The following GTF3C3 variants were observed in gnomAD, a reference collection of about 807,000 sequenced individuals.
The protein encoded by GTF3C3 is general transcription factor 3C polypeptide 3.
Under a neutral mutation model 105.2 loss-of-function variants are expected in GTF3C3, and 75 were observed. That is an observed-to-expected ratio of 0.71 (90% CI 0.59 to 0.86). The LOEUF (loss-of-function observed/expected upper bound fraction) is 0.86. Ranked by LOEUF, GTF3C3 falls within the 40% of genes least tolerant of loss-of-function variation. GTF3C3 has a pLI of 0.00. For synonymous variants in GTF3C3, 335 were observed against 370.4 expected (o/e 0.90, Z 1.10); for missense variants, 856 against 1,076.5 (o/e 0.80, Z 2.87).
At chr2:196,765,867 G>A (rs1474474383) in intron 17 of GTF3C3, among the ~76,000 whole-genome samples, 1 of 151,666 alleles carries the variant, frequency 6.6e-6, no homozygotes. Context: ...AAAATTAGCT[G>A]GGCGTGGTGG....
intron 14 of GTF3C3, among the ~76,000 whole-genome samples, chr2:196,772,187 A>G (rs1163824312): frequency 6.6e-6 from 1 of 152,254 alleles, no homozygotes; most frequent in African/African-American, 2.4e-5. Flanking sequence ...AAACTAAAAC[A>G]GGAGCAAGTG....
In GTF3C3 at chr2:196,793,027, C is replaced by T; in HGVS notation, c.340G>A (p.Glu114Lys). The change falls in exon 3 of 18, where the codon GAG (glutamate) becomes AAG (lysine). Residue 114 changes from glutamate (E) to lysine (K), a missense_variant. Transcript: ENST00000263956. ...EEEEEEEETPEQPTAGDVFVL... is the reference protein window; with the variant it reads ...EEEEEEEETPKQPTAGDVFVL... ...AATACATCGCCCGCAGTGGGTTGCT[C>T]AGGTGTTTCTTCCTCCTCCTCCTCC... 2 of 1,613,880 alleles carry T rather than the reference C, an allele frequency of 1.2e-6. No homozygotes were observed. The highest frequency in any genetic ancestry group is 1.7e-6 in the Non-Finnish European group (2 of 1,179,886).
At chr2:196,775,501 A>G (rs952870481) in intron 12 of GTF3C3, among the ~76,000 whole-genome samples, 5 of 152,176 alleles carry the variant, frequency 3.3e-5, no homozygotes, top group Admixed American at 6.5e-5. Context: ...AAAAAAGGAA[A>G]CCAAATTACT....
chr2:196,769,225 T>C (rs58662356), intron 16 of GTF3C3, among the ~76,000 whole-genome samples: 8,122 of 152,206 alleles, frequency 0.053, 512 homozygotes, highest in African/African-American at 0.16. Context: ...CATTTTACTT[T>C]AAAAGAAACA....
At chr2:196,765,376 C>CAATATTTATGAAATAACA (rs1699043017) in intron 17 of GTF3C3, among the ~76,000 whole-genome samples, 1 of 151,904 alleles carries the variant, frequency 6.6e-6, no homozygotes, top group Non-Finnish European at 1.5e-5. Flanking sequence ...CAAGATGTAA[C>CAATATTTATGAAATAACA]AATATTTATG....
intron 2 of GTF3C3, among the ~76,000 whole-genome samples, chr2:196,797,562 G>A (rs1218018035): frequency 6.6e-6 from 1 of 152,180 alleles, no homozygotes; most frequent in Admixed American, 6.5e-5. Flanking sequence ...AACAAATACT[G>A]ATGTCAATTT....
At chr2:196,780,345 T>TA in intron 9 of GTF3C3, 3 of 1,185,372 alleles carry the variant, frequency 2.5e-6, no homozygotes, top group Non-Finnish European at 3.2e-6. Context: ...TTTAGATTGT[T>TA]ATTTTAAAAG....
In GTF3C3 at chr2:196,793,143, G is replaced by A; in HGVS notation, c.224C>T (p.Ser75Leu). 6.2e-7 allele frequency: 1 copy of A among 1,603,820 alleles called. No individual in the cohort carries two copies. Among genetic ancestry groups the A allele is most frequent in the East Asian group, 2.2e-5 (1 of 44,628 alleles). ...QDKDVNEGET[S>L]DGVRKSVHKV... is the part of the protein sequence containing the mutation. ...GTGAACTGACTTCCTCACTCCATCT[G>A]ATGTTTCTCCTGAGAAAAGAGACAT... is the stretch of plus-strand genomic sequence containing the variant. Residue 75 changes from serine to leucine, a missense_variant, in exon 3 of 18, where the codon TCA becomes TTA. Physicochemically the swap from Ser to Leu is moderately radical, Grantham distance 145. Transcript: ENST00000263956.
Position 196,776,562 on chromosome 2 carries a change from G to A in GTF3C3, c.1458C>T (p.Ala486=), listed in dbSNP as rs761479634. 6.2e-7 allele frequency: 1 copy of A among 1,613,934 alleles called. No individual in the cohort carries two copies. The highest frequency in any genetic ancestry group is 1.3e-5 in the African/African-American group (1 of 74,900). ...AAATCCTTGCATCCAAATGGAGTGG[G>A]GCCAGATCAACCACCTTGCCATAGC... The part of the protein sequence containing the change: ...AESYGKVVDL[A]PLHLDARISL... The change falls in exon 11 of 18, where the codon GCC becomes GCT. Residue 486 remains alanine (A), a synonymous_variant. Coordinates refer to ENST00000263956, the MANE Select transcript of GTF3C3 (RefSeq NM_012086.5). This position sits in a 1 kb window ranked among gnomAD's most constrained non-coding sequence, Gnocchi z 4.5.
chr2:196,789,115 A>G (rs1699502764), intron 6 of GTF3C3, 89 bp downstream of exon 6: 3 of 1,136,970 alleles, frequency 2.6e-6, no homozygotes, highest in Admixed American at 4.8e-5. Context: ...TTGAACTTCA[A>G]TGAAAAGTAC....
At position 196,775,189 on chromosome 2, in the gene GTF3C3, A is replaced by C; in HGVS notation, c.1758T>G (p.Leu586=). 3.1e-6 allele frequency: 5 copies of C among 1,612,838 alleles called. No homozygotes were observed. Among genetic ancestry groups the C allele is most frequent in the Non-Finnish European group, 4.2e-6 (5 of 1,179,108 alleles). ...ISSSKSGERH[L]YLIKVSRDKI... ...TGTCTCTCGATACTTTAATAAGATA[A>C]AGATGCCTCTCTCCAGACTTGGAAC... is the stretch of plus-strand genomic sequence containing the variant. The change falls in exon 13 of 18, where the codon CTT becomes CTG. Residue 586 remains leucine (L), a synonymous_variant. Transcript: ENST00000263956.
chr2:196,784,935 A>G lies in GTF3C3; in HGVS notation c.1042-6T>C. On this transcript the variant is annotated splice_polypyrimidine_tract_variant and splice_region_variant and intron_variant, in intron 7 of 17. Coordinates refer to ENST00000263956, the MANE Select transcript of GTF3C3 (RefSeq NM_012086.5). ...CCAGAAAAATCTGTAATTATCTAAA[A>G]GAATGGGAAAGAAGAAAGGAAATAA... 2 of 1,554,226 alleles carry G rather than the reference A, an allele frequency of 1.3e-6. No homozygotes were observed. The highest frequency in any genetic ancestry group is 2.2e-5 in the South Asian group (2 of 89,164).
At chr2:196,788,870 GCCT>G in intron 6 of GTF3C3, among the ~76,000 whole-genome samples, 1 of 152,156 alleles carries the variant, frequency 6.6e-6, no homozygotes, top group Admixed American at 6.5e-5. Context: ...TTCGAGACCA[GCCT>G]GAACAACACA....
chr2:196,766,769 T>C, intron 16 of GTF3C3, 52 bp from the exon 17 acceptor site: 1 of 1,402,884 alleles, frequency 7.1e-7, no homozygotes. Flanking sequence ...GACAATTATG[T>C]ACTAGACCAC....
intron 3 of GTF3C3, chr2:196,791,667 G>GACTCATTCTTGTA: frequency 2.3e-6 from 1 of 443,026 alleles, no homozygotes; most frequent in Non-Finnish European, 4.1e-6. Flanking sequence ...CATACATGGT[G>GACTCATTCTTGTA]ACTCATTCTT....
rs1259414873 is a variant in GTF3C3, at chr2:196,763,377, A to ACTT, written c.*1183_*1185dup. Reference sequence around the variant, plus strand: ...CACAGAATTCCAACACACAAGTCTAACTTATTACTGTATCTCAGTTACCTC... The same window carrying ACTT: ...CACAGAATTCCAACACACAAGTCTAACTTCTTATTACTGTATCTCAGTTACCTC... On this transcript the variant is annotated 3_prime_UTR_variant, in exon 18 of 18. Coordinates refer to ENST00000263956, the MANE Select transcript of GTF3C3 (RefSeq NM_012086.5). 1 of 152,230 alleles carries ACTT rather than the reference A, an allele frequency of 6.6e-6. No individual in the cohort carries two copies. The highest frequency in any genetic ancestry group is 1.5e-5 in the Non-Finnish European group (1 of 68,038). 9.4% of individuals were successfully genotyped at this position (152,230 alleles called of 1,614,324 possible).
intron 14 of GTF3C3, 78 bp downstream of exon 14, chr2:196,772,838 G>T (rs996216439): frequency 2.7e-6 from 2 of 753,436 alleles, no homozygotes; most frequent in Non-Finnish European, 2.2e-6. Flanking sequence ...AGAGCCAAAA[G>T]TAAAGTAGCT....
chr2:196,768,234 C>A (rs1699107241), intron 16 of GTF3C3, among the ~76,000 whole-genome samples: 1 of 134,706 alleles, frequency 7.4e-6, no homozygotes, highest in Non-Finnish European at 1.5e-5. Context: ...CCAGGCTGGT[C>A]TCAAACTCCT....
rs141163182 is a variant in GTF3C3 at position 196,799,612 on chromosome 2, G to T, written c.-1C>A. ...TGAGTTCCGGACTGAACCCTGACAT[G>T]TTTACAGGGTCTGTCTGTGCAACCC... On this transcript the variant is annotated 5_prime_UTR_variant, in exon 1 of 18. Transcript: ENST00000263956. 105 of 1,600,780 alleles carry T rather than the reference G, an allele frequency of 6.6e-5. 1 individual carries two copies. In the South Asian group the frequency reaches 9.6e-4, roughly 15 times the overall value.
Sources: allele counts gnomAD v4.1 joint callset (sites outside exome capture counted in the v4.1 genomes callset), GRCh38; gene constraint gnomAD v4.1.1; non-coding constraint Gnocchi (gnomAD v3.1); transcripts MANE v1.5; gene names NCBI Gene and HGNC (gene_info 2026-07-23, HGNC 2026-07-21).